Variants in NUP210 observed in about 807,000 individuals in gnomAD.
The protein encoded by NUP210 is nuclear pore membrane glycoprotein 210.
NUP210 carries 151 observed loss-of-function variants against 196.0 expected under a neutral mutation model. The observed-to-expected ratio is 0.77, with a 90% CI of 0.67 to 0.88. NUP210 has a LOEUF of 0.88. Among genes scored for constraint, NUP210 ranks in the 40% least tolerant of loss-of-function variants. The pLI, the probability that NUP210 is intolerant of heterozygous loss-of-function variation, is 0.00. For missense variants in NUP210, 2,314 were observed against 2,493.7 expected, an observed-to-expected ratio of 0.93 and a Z score of 1.53; for synonymous variants, 1,070 against 1,052.7, an observed-to-expected ratio of 1.02 and a Z score of -0.32.
intron 16 of NUP210, among the ~76,000 whole-genome samples, chr3:13,355,120 T>A (rs1407448192): frequency 6.6e-6 from 1 of 152,170 alleles, no homozygotes; most frequent in South Asian, 2.1e-4. Flanking sequence ...AAAGCACAAC[T>A]GAGGGATTTA....
intron 17 of NUP210, 44 bp downstream of exon 17, chr3:13,353,871 T>C: frequency 6.4e-7 from 1 of 1,560,594 alleles, no homozygotes; most frequent in Non-Finnish European, 8.7e-7. Context: ...TCCTGTCTGG[T>C]CTCTGTTCTC....
intron 13 of NUP210, among the ~76,000 whole-genome samples, chr3:13,370,693 A>G (rs959739913): frequency 2.0e-5 from 3 of 152,216 alleles, no homozygotes; most frequent in Non-Finnish European, 4.4e-5. Flanking sequence ...TTTCTCCTGG[A>G]TGCAGTATGC....
chr3:13,363,919 C>CCT (rs911358009), intron 14 of NUP210, among the ~76,000 whole-genome samples: 1 of 152,150 alleles, frequency 6.6e-6, no homozygotes, highest in African/African-American at 2.4e-5. Flanking sequence ...CTGAAGAACC[C>CCT]CTCTCCAGGT....
At chr3:13,338,249 A>G (rs1559314664) in intron 25 of NUP210, among the ~76,000 whole-genome samples, 1 of 152,138 alleles carries the variant, frequency 6.6e-6, no homozygotes, top group Non-Finnish European at 1.5e-5. Flanking sequence ...GGCTGCCCTC[A>G]AGCAAAAGGT....
At position 13,350,238 on chromosome 3, in the gene NUP210, CAAAATAACACAGCCTGTGTGTTT is replaced by C. The variant is rs2124875607; in HGVS notation, c.2835+1618_2835+1640del. 7.4e-6 allele frequency among the ~76,000 whole-genome samples: 1 copy of C among 135,894 alleles called. No homozygotes were observed. The highest frequency in any genetic ancestry group is 3.2e-5 in the African/African-American group (1 of 31,100). 89.2% of individuals were successfully genotyped at this position (135,894 alleles called of 152,430 possible). A position where few individuals can be genotyped will look rare whatever the true frequency, so the allele number is the denominator to read the frequency against. The stretch of plus-strand genomic sequence containing the variant: ...ACAGCCTGTGTGTGTGTGTGTTCAG[CAAAATAACACAGCCTGTGTGTTT>C]GTGTGTGTGTGCGCGTGTGTTTTTG... On this transcript the variant is annotated intron_variant, in intron 20 of 39. Transcript: ENST00000254508. This position sits in a 1 kb window ranked among gnomAD's most constrained non-coding sequence, Gnocchi z 4.1.
rs73142167 is a variant in NUP210 at position 13,325,021 on chromosome 3, G to A, written c.4644+774C>T. Among the ~76,000 whole-genome samples, 666 of 152,298 alleles carry A rather than the reference G, an allele frequency of 4.4e-3. 2 individuals are homozygous for A. Among genetic ancestry groups the A allele is most frequent in the African/African-American group, 0.014 (576 of 41,568 alleles). On this transcript the variant is annotated intron_variant, in intron 33 of 39. Transcript: ENST00000254508. ...GCCAAGCTGGGATTTGACCTAGACC[G>A]TCTAGCTGTAGATGCCCCACCCTCA...
intron 20 of NUP210, chr3:13,344,837 C>G (rs1004846762): frequency 2.1e-4 from 167 of 776,834 alleles, no homozygotes; most frequent in Non-Finnish European, 2.5e-4. Flanking sequence ...CCTTAAAGAC[C>G]TGGACTCTTT....
At chr3:13,358,530 C>A (rs1225176107) in intron 15 of NUP210, 135 bp from the exon 16 acceptor site, 2 of 829,114 alleles carry the variant, frequency 2.4e-6, no homozygotes, top group East Asian at 2.8e-5. Context: ...GATACCCATG[C>A]CACAGGGTCT....
In NUP210 at chr3:13,379,705, G is replaced by A. The variant is rs773011883; in HGVS notation, c.834C>T (p.Ser278=). ...QGKITELSMP[S]DQYELQLQNS... ...TCTGAAGCTGCAACTCGTACTGATCGGAAGGCATGGAGAGTTCTGGCCACC... is the reference window on the plus strand; with the variant it reads ...TCTGAAGCTGCAACTCGTACTGATCAGAAGGCATGGAGAGTTCTGGCCACC... The change falls in exon 7 of 40, where the codon TCC becomes TCT. Residue 278 remains serine, a synonymous_variant. Coordinates refer to ENST00000254508, the MANE Select transcript of NUP210 (RefSeq NM_024923.4). This position sits in a 1 kb window ranked among gnomAD's most constrained non-coding sequence, Gnocchi z 4.2. 18 of 1,599,002 alleles carry A rather than the reference G, an allele frequency of 1.1e-5. No individual in the cohort carries two copies. In the East Asian group the frequency reaches 3.4e-4, roughly 30 times the overall value.
chr3:13,404,647 A>G (rs1699945744), intron 1 of NUP210, among the ~76,000 whole-genome samples: 1 of 152,218 alleles, frequency 6.6e-6, no homozygotes, highest in African/African-American at 2.4e-5. Context: ...AGGGGTTCTA[A>G]GCCCAAAAGC....
intron 5 of NUP210, 46 bp downstream of exon 5, chr3:13,388,257 A>G (rs1559341010): frequency 6.6e-7 from 1 of 1,522,126 alleles, no homozygotes; most frequent in Non-Finnish European, 8.9e-7. Context: ...CGTCAGCCTG[A>G]TTCCACCCCA....
chr3:13,344,332 A>G (rs976855980), intron 20 of NUP210, among the ~76,000 whole-genome samples: 9 of 152,172 alleles, frequency 5.9e-5, no homozygotes, highest in African/African-American at 2.2e-4. Flanking sequence ...TTAGGCGCAT[A>G]TTTCAGTCAG....
chr3:13,359,451 C>T (rs1355215462), intron 15 of NUP210, among the ~76,000 whole-genome samples: 2 of 152,186 alleles, frequency 1.3e-5, no homozygotes, highest in African/African-American at 4.8e-5. Context: ...TCTGGCCATA[C>T]CAGGGCAGCT....
At chr3:13,385,664 TG>T (rs1171190945) in intron 6 of NUP210, among the ~76,000 whole-genome samples, 1 of 152,270 alleles carries the variant, frequency 6.6e-6, no homozygotes, top group African/African-American at 2.4e-5. Flanking sequence ...CTGGACTTGC[TG>T]CCACTGAAAG....
intron 1 of NUP210, among the ~76,000 whole-genome samples, chr3:13,411,794 G>A (rs895040925): frequency 2.0e-5 from 3 of 151,936 alleles, no homozygotes; most frequent in Non-Finnish European, 2.9e-5. Context: ...AGGCTGGAGT[G>A]CAGTGATGCA....
At chr3:13,325,213 G>A (rs1053843459) in intron 33 of NUP210, among the ~76,000 whole-genome samples, 3 of 152,186 alleles carry the variant, frequency 2.0e-5, no homozygotes, top group Non-Finnish European at 4.4e-5. Context: ...TTCCAGGAGA[G>A]CACAGCTGTA....
chr3:13,343,336 T>TGGTGGGGGGGGG, intron 20 of NUP210, 33 bp from the exon 21 acceptor site: 7 of 260,378 alleles, frequency 2.7e-5, no homozygotes, highest in East Asian at 1.9e-4. Context: ...GAGGGGTGGG[T>TGGTGGGGGGGGG]GGTGGGTTAC....
intron 30 of NUP210, 67 bp downstream of exon 30, chr3:13,330,393 C>G: frequency 6.8e-7 from 1 of 1,461,012 alleles, no homozygotes; most frequent in Non-Finnish European, 9.4e-7. Context: ...ACTTTTACAC[C>G]TGAGAGGCAT....
chr3:13,420,260 C>T lies in NUP210; in HGVS notation c.-34G>A, dbSNP rs938293887. 5.2e-5 allele frequency: 55 copies of T among 1,058,588 alleles called. No homozygotes were observed. The African/African-American group carries it at 8.9e-4, about 17-fold the overall frequency. 65.6% of individuals were successfully genotyped at this position (1,058,588 alleles called of 1,614,324 possible). A position where few individuals can be genotyped will look rare whatever the true frequency, so the allele number is the denominator to read the frequency against. On this transcript the variant is annotated 5_prime_UTR_variant, in exon 1 of 40. Coordinates refer to ENST00000254508, the MANE Select transcript of NUP210 (RefSeq NM_024923.4). The surrounding 1 kb of genome is among the most constrained non-coding windows in gnomAD (Gnocchi z 4.8). ...CGCGTCACCTCCCGCGACCCTGCGC[C>T]CGGCCGCCCGCGCCGCCCCGTTGCC... is the stretch of plus-strand genomic sequence containing the variant.
Sources: gnomAD v4.1 joint callset for allele counts (sites outside exome capture counted in the v4.1 genomes callset) on GRCh38, gnomAD v4.1.1 for gene constraint, Gnocchi (gnomAD v3.1) non-coding constraint, MANE v1.5 for transcripts, NCBI Gene and HGNC (gene_info 2026-07-23, HGNC 2026-07-21) for gene names.